SLC25A21: variants seen among roughly 807,000 people sequenced by gnomAD.
SLC25A21 encodes mitochondrial 2-oxodicarboxylate carrier.
A neutral mutation model predicts 43.8 loss-of-function variants in SLC25A21; 47 were observed. The ratio of observed to expected loss-of-function variants is 1.07; its 90% confidence interval spans 0.85 to 1.37. The LOEUF (loss-of-function observed/expected upper bound fraction) is 1.37, where lower values mean the gene tolerates loss of function less well. SLC25A21 is among the 40% of genes most tolerant of loss of function. The pLI is 0.00. For synonymous variants in SLC25A21, 131 were observed against 121.3 expected (o/e 1.08, Z -0.52); for missense variants, 352 against 350.2 (o/e 1.00, Z -0.04).
chr14:36,896,257 G>T (rs1483900606), intron 1 of SLC25A21, among the ~76,000 whole-genome samples: 1 of 152,136 alleles, frequency 6.6e-6, no homozygotes, highest in Non-Finnish European at 1.5e-5. Context: ...AGGATAGTTA[G>T]GTCTTCTTGT....
chr14:37,082,957 A>G (rs529518793), intron 1 of SLC25A21, among the ~76,000 whole-genome samples: 1 of 152,354 alleles, frequency 6.6e-6, no homozygotes, highest in South Asian at 2.1e-4. Context: ...CCACATCTCT[A>G]TCTGAACACA....
At chr14:36,922,497 T>C (rs1892008562) in intron 1 of SLC25A21, among the ~76,000 whole-genome samples, 1 of 150,590 alleles carries the variant, frequency 6.6e-6, no homozygotes, top group African/African-American at 2.4e-5. Flanking sequence ...AGAGGAGAAA[T>C]CAGCTATGCA....
At chr14:36,840,680 C>T (rs767884900) in intron 2 of SLC25A21, among the ~76,000 whole-genome samples, 6 of 152,176 alleles carry the variant, frequency 3.9e-5, no homozygotes, top group Non-Finnish European at 8.8e-5. Flanking sequence ...TAAAAGTTTT[C>T]CCGTTTAATA....
intron 3 of SLC25A21, among the ~76,000 whole-genome samples, chr14:36,785,412 A>G (rs1887211915): frequency 6.6e-6 from 1 of 152,138 alleles, no homozygotes; most frequent in South Asian, 2.1e-4. Flanking sequence ...CCTGGGAGCA[A>G]CCTCACTGTA....
At chr14:36,779,064 C>T (rs1229545161) in intron 3 of SLC25A21, among the ~76,000 whole-genome samples, 8 of 151,734 alleles carry the variant, frequency 5.3e-5, no homozygotes, top group Admixed American at 4.6e-4. Flanking sequence ...TGAGATCATG[C>T]AGTATGTGTC....
intron 1 of SLC25A21, among the ~76,000 whole-genome samples, chr14:36,951,138 G>T (rs1233095866): frequency 6.6e-6 from 1 of 150,814 alleles, no homozygotes; most frequent in African/African-American, 2.4e-5. Context: ...CAATGTTTTG[G>T]TAACTAAACC....
At chr14:36,713,610 T>C (rs958467809) in intron 6 of SLC25A21, among the ~76,000 whole-genome samples, 1 of 152,186 alleles carries the variant, frequency 6.6e-6, no homozygotes, top group Non-Finnish European at 1.5e-5. Context: ...ACTTGCTACT[T>C]TGGCAAGTAT....
At chr14:36,808,554 C>T (rs931727543) in intron 3 of SLC25A21, among the ~76,000 whole-genome samples, 2 of 152,120 alleles carry the variant, frequency 1.3e-5, no homozygotes, top group Admixed American at 6.6e-5. Context: ...GCCATTATTT[C>T]CATATTATCT....
intron 1 of SLC25A21, among the ~76,000 whole-genome samples, chr14:36,992,764 G>A (rs1038549353): frequency 1.3e-5 from 2 of 152,110 alleles, no homozygotes; most frequent in African/African-American, 4.8e-5. Flanking sequence ...TGTTATCAAT[G>A]CTAGAATCAT....
intron 1 of SLC25A21, among the ~76,000 whole-genome samples, chr14:36,893,435 G>C (rs1891141866): frequency 6.6e-6 from 1 of 152,138 alleles, no homozygotes; most frequent in East Asian, 1.9e-4. Context: ...TGAAGATTCT[G>C]GATATTAGCC....
chr14:36,711,804 T>G (rs910135192), intron 6 of SLC25A21, among the ~76,000 whole-genome samples: 2 of 152,226 alleles, frequency 1.3e-5, no homozygotes, highest in Non-Finnish European at 2.9e-5. Context: ...TTATTCACAC[T>G]AATGAAGGAG....
chr14:37,017,333 G>A (rs1021017947), intron 1 of SLC25A21, among the ~76,000 whole-genome samples: 2 of 152,060 alleles, frequency 1.3e-5, no homozygotes. Flanking sequence ...GCAGGCCCAA[G>A]GAGAGGTAGA....
chr14:37,074,207 TA>T (rs201320139), intron 1 of SLC25A21, among the ~76,000 whole-genome samples: 48,021 of 145,198 alleles, frequency 0.33, 11,049 homozygotes, highest in African/African-American at 0.65. Flanking sequence ...CAACTGCAGT[TA>T]AAAAAAAAAA....
chr14:36,699,975 T>C (rs1883210260), intron 7 of SLC25A21, among the ~76,000 whole-genome samples: 1 of 152,136 alleles, frequency 6.6e-6, no homozygotes, highest in Non-Finnish European at 1.5e-5. Flanking sequence ...CCAGTCCCAG[T>C]GAGATGAACC....
chr14:36,920,204 A>G (rs1042314782), intron 1 of SLC25A21, among the ~76,000 whole-genome samples: 29 of 152,094 alleles, frequency 1.9e-4, no homozygotes, highest in Non-Finnish European at 4.1e-4. Flanking sequence ...TATTAAAGAC[A>G]CATATATATG....
intron 1 of SLC25A21, among the ~76,000 whole-genome samples, chr14:36,957,868 T>G (rs149613260): frequency 7.7e-4 from 117 of 152,366 alleles, no homozygotes; most frequent in African/African-American, 2.7e-3. Flanking sequence ...TATAATGATA[T>G]TCATTTATGT....
chr14:36,837,834 C>A (rs1044858005), intron 2 of SLC25A21, among the ~76,000 whole-genome samples: 12 of 152,138 alleles, frequency 7.9e-5, no homozygotes, highest in Non-Finnish European at 1.3e-4. Context: ...GCTGTCTTGC[C>A]CCTTTACTTT....
intron 1 of SLC25A21, among the ~76,000 whole-genome samples, chr14:36,940,419 T>C (rs1169424927): frequency 1.3e-5 from 2 of 152,006 alleles, no homozygotes; most frequent in African/African-American, 2.4e-5. Flanking sequence ...CTCCTAAAAA[T>C]AGGAGTTTAT....
At chr14:36,691,983 C>A (rs532343993) in intron 7 of SLC25A21, among the ~76,000 whole-genome samples, 2 of 152,292 alleles carry the variant, frequency 1.3e-5, no homozygotes, top group Non-Finnish European at 2.9e-5. Context: ...AATTCCCTTG[C>A]AAACATTTTA....
Sources: allele counts gnomAD v4.1 joint callset (sites outside exome capture counted in the v4.1 genomes callset), GRCh38; gene constraint gnomAD v4.1.1; transcripts MANE v1.5; gene names NCBI Gene and HGNC (gene_info 2026-07-23, HGNC 2026-07-21).